Variants in EYS observed in about 807,000 individuals in gnomAD.
The protein encoded by EYS is protein eyes shut homolog.
In EYS, 250 loss-of-function variants were observed where a neutral mutation model predicts 282.1. The ratio of observed to expected loss-of-function variants is 0.89; its 90% CI spans 0.80 to 0.98. EYS has a LOEUF of 0.98. Among genes scored for constraint, EYS ranks in the 50% least tolerant of loss-of-function variants. EYS has a pLI of 0.00. For synonymous variants in EYS, 1,355 were observed against 1,282.9 expected, an observed-to-expected ratio of 1.06 and a Z score of -1.20; for missense variants, 4,016 against 3,709.0, an observed-to-expected ratio of 1.08 and a Z score of -2.15.
At chr6:64,846,111 C>A (rs1379984811) in intron 19 of EYS, among the ~76,000 whole-genome samples, 2 of 152,028 alleles carry the variant, frequency 1.3e-5, no homozygotes, top group Non-Finnish European at 2.9e-5. Flanking sequence ...TCTGTTTATC[C>A]AAAGTAAAGT....
Position 65,277,115 on chromosome 6 carries a change from C to G in EYS, c.2023+18748G>C, listed in dbSNP as rs138288145. On this transcript the variant is annotated intron_variant, in intron 12 of 42. Transcript: ENST00000503581. ...ATTAGACATAAGAAGGTGGAGTCCTCACGAATGGGATTGGTGCCCTTACAA... is the reference window on the plus strand; with the variant it reads ...ATTAGACATAAGAAGGTGGAGTCCTGACGAATGGGATTGGTGCCCTTACAA... Among the ~76,000 whole-genome samples the G allele has an allele frequency of 2.3e-4, 35 of 152,156 alleles. 1 individual carries two copies. The highest frequency in any genetic ancestry group is 2.1e-3 in the South Asian group (10 of 4,820).
rs577079277 is a variant in EYS, at chr6:64,690,275, G to A, written c.3444-64030C>T. Among the ~76,000 whole-genome samples, 49 of 152,196 alleles carry A rather than the reference G, an allele frequency of 3.2e-4. 1 individual carries two copies. Among genetic ancestry groups the A allele is most frequent in the Admixed American group, 1.4e-3 (21 of 15,290 alleles). ...GAGAAATGCAAATCAAAACCACGAC[G>A]AGATACCATCTCACACCAGTTAGAA... On this transcript the variant is annotated intron_variant, in intron 22 of 42. Coordinates refer to ENST00000503581, the MANE Select transcript of EYS (RefSeq NM_001142800.2).
At chr6:64,720,549 C>A (rs976394950) in intron 22 of EYS, among the ~76,000 whole-genome samples, 3 of 152,140 alleles carry the variant, frequency 2.0e-5, no homozygotes, top group African/African-American at 4.8e-5. Flanking sequence ...CAGTTCCATT[C>A]CAGCTATTTC....
chr6:65,527,496 C>T lies in EYS; in HGVS notation c.-332-31503G>A, dbSNP rs75209285. Among the ~76,000 whole-genome samples, 880 of 152,302 alleles carry T rather than the reference C, an allele frequency of 5.8e-3. 7 individuals are homozygous for T. Among genetic ancestry groups the T allele is most frequent in the African/African-American group, 0.016 (681 of 41,570 alleles). Reference sequence around the variant, plus strand: ...TCACACCTTTCAACAGAACAGATGACATACCTTTTAAAAGTCATCCAGTTT... The same window carrying T: ...TCACACCTTTCAACAGAACAGATGATATACCTTTTAAAAGTCATCCAGTTT... On this transcript the variant is annotated intron_variant, in intron 2 of 42. Transcript: ENST00000503581.
At chr6:65,209,191 G>GCCCC (rs1766111402) in intron 12 of EYS, among the ~76,000 whole-genome samples, 1 of 151,382 alleles carries the variant, frequency 6.6e-6, no homozygotes, top group East Asian at 1.9e-4. Context: ...TTCACAAAAT[G>GCCCC]GTTGTGAGGA....
rs141056219 is a variant in EYS, at chr6:63,903,392, T to C, written c.7056-39034A>G. Among the ~76,000 whole-genome samples the C allele has an allele frequency of 3.7e-3, 564 of 152,310 alleles. 2 individuals are homozygous for C. The highest frequency in any genetic ancestry group is 0.017 in the Middle Eastern group (5 of 294). ...AGGAAAGGAATGAGTTAGACCTGACTGATGTGATAGGTATGGAAAGGGAAA... is the reference window on the plus strand; with the variant it reads ...AGGAAAGGAATGAGTTAGACCTGACCGATGTGATAGGTATGGAAAGGGAAA... On this transcript the variant is annotated intron_variant, in intron 35 of 42. Transcript: ENST00000503581.
intron 35 of EYS, among the ~76,000 whole-genome samples, chr6:63,952,371 G>A (rs759112674): frequency 3.3e-5 from 5 of 152,218 alleles, no homozygotes; most frequent in Admixed American, 1.3e-4. Flanking sequence ...CTGCCCAATT[G>A]CCTCAGAAGC....
chr6:65,453,247 T>C (rs1328541034), intron 5 of EYS, among the ~76,000 whole-genome samples: 1 of 152,008 alleles, frequency 6.6e-6, no homozygotes, highest in African/African-American at 2.4e-5. Flanking sequence ...AATTGCACCA[T>C]GTATAGAGGA....
chr6:65,520,038 A>G (rs184471694), intron 2 of EYS, among the ~76,000 whole-genome samples: 33 of 151,992 alleles, frequency 2.2e-4, no homozygotes, highest in Non-Finnish European at 4.0e-4. Flanking sequence ...CTTTAAGTTT[A>G]CTATGCATAT....
intron 24 of EYS, among the ~76,000 whole-genome samples, chr6:64,601,728 C>T (rs1256229570): frequency 6.6e-6 from 1 of 152,022 alleles, no homozygotes; most frequent in African/African-American, 2.4e-5. Context: ...TTTGAAAAAA[C>T]TTGTTAGTAT....
intron 26 of EYS, among the ~76,000 whole-genome samples, chr6:64,586,811 C>G (rs1478229251): frequency 1.3e-5 from 2 of 152,024 alleles, no homozygotes; most frequent in Non-Finnish European, 2.9e-5. Flanking sequence ...CTCAAACACT[C>G]TATTTTTCCT....
intron 8 of EYS, among the ~76,000 whole-genome samples, chr6:65,375,289 G>A (rs1765319539): frequency 6.6e-6 from 1 of 152,150 alleles, no homozygotes; most frequent in Non-Finnish European, 1.5e-5. Context: ...CTGCAGAAGA[G>A]GGGCCTGACC....
intron 11 of EYS, among the ~76,000 whole-genome samples, chr6:65,305,911 G>A (rs1768991825): frequency 2.0e-5 from 3 of 152,116 alleles, no homozygotes; most frequent in East Asian, 1.9e-4. Flanking sequence ...TTATCTATGG[G>A]CTGTAGCAGT....
chr6:65,027,072 A>G (rs1323248261), intron 13 of EYS, among the ~76,000 whole-genome samples: 4 of 148,284 alleles, frequency 2.7e-5, no homozygotes, highest in African/African-American at 1.0e-4. Context: ...TAATTTATTT[A>G]CTTACTTGCT....
intron 12 of EYS, among the ~76,000 whole-genome samples, chr6:65,224,078 T>C (rs1218201212): frequency 6.6e-6 from 1 of 152,128 alleles, no homozygotes; most frequent in African/African-American, 2.4e-5. Context: ...CTAACAGACA[T>C]GCACAGGATA....
At chr6:64,343,891 C>T (rs1321743756) in intron 29 of EYS, among the ~76,000 whole-genome samples, 1 of 152,106 alleles carries the variant, frequency 6.6e-6, no homozygotes. Context: ...ACTGATCCCA[C>T]AGAAATACAA....
intron 26 of EYS, among the ~76,000 whole-genome samples, chr6:64,457,988 TA>T (rs947802800): frequency 4.8e-4 from 73 of 152,030 alleles, no homozygotes; most frequent in African/African-American, 1.5e-3. Context: ...GCTTATTACA[TA>T]AAAAAATTTT....
intron 12 of EYS, among the ~76,000 whole-genome samples, chr6:65,228,137 C>T (rs891247582): frequency 4.6e-5 from 7 of 152,034 alleles, no homozygotes; most frequent in Admixed American, 1.3e-4. Context: ...CTATAGCTAG[C>T]GCAGTCTATG....
intron 41 of EYS, among the ~76,000 whole-genome samples, chr6:63,740,569 G>A (rs567309360): frequency 2.0e-5 from 3 of 152,196 alleles, no homozygotes; most frequent in Non-Finnish European, 4.4e-5. Context: ...TCTCTCACCT[G>A]GTTTGAAATT....
Sources: allele counts gnomAD v4.1 joint callset (sites outside exome capture counted in the v4.1 genomes callset), GRCh38; gene constraint gnomAD v4.1.1; transcripts MANE v1.5; gene names NCBI Gene and HGNC (gene_info 2026-07-23, HGNC 2026-07-21).